UGT2A1: variants seen among roughly 807,000 people sequenced by gnomAD.
UGT2A1 encodes the protein UDP-glucuronosyltransferase 2A1.
In UGT2A1, 61 loss-of-function variants were observed where a neutral mutation model predicts 45.4. The ratio of observed to expected loss-of-function variants is 1.34; its 90% confidence interval spans 1.09 to 1.66. The LOEUF (loss-of-function observed/expected upper bound fraction) is 1.66. Among genes scored for constraint, UGT2A1 ranks in the 40% most tolerant of loss-of-function variants. The probability of loss-of-function intolerance (pLI) is 0.00; values close to 1 mark genes in which losing one functional copy is unlikely to be tolerated. For synonymous variants in UGT2A1, 229 were observed against 196.2 expected (o/e 1.17, Z -1.40); for missense variants, 649 against 574.3 (o/e 1.13, Z -1.33).
At chr4:69,637,401 A>G (rs1721771693) in intron 2 of UGT2A1, among the ~76,000 whole-genome samples, 1 of 152,180 alleles carries the variant, frequency 6.6e-6, no homozygotes, top group South Asian at 2.1e-4. Context: ...AAAAAGATAT[A>G]TTCAAATACC....
intron 2 of UGT2A1, among the ~76,000 whole-genome samples, chr4:69,646,353 AACACCATATC>A (rs1722258018): frequency 6.6e-6 from 1 of 151,834 alleles, no homozygotes; most frequent in African/African-American, 2.4e-5. Context: ...TCATCAGGTA[AACACCATATC>A]ACACTTAAGC....
Position 69,613,163 on chromosome 4 carries a change from C to T in UGT2A1, c.848-13769G>A, listed in dbSNP as rs541975743. Among the ~76,000 whole-genome samples the T allele has an allele frequency of 3.3e-5, 5 of 151,954 alleles. No homozygotes were observed. The East Asian group carries it at 9.7e-4, about 29-fold the overall frequency. Reference sequence around the variant, plus strand: ...CACTAATCATCAGAGAAATGTGAATCAAAATCATAATGATATATAAAACAG... The same window carrying T: ...CACTAATCATCAGAGAAATGTGAATTAAAATCATAATGATATATAAAACAG... On this transcript the variant is annotated intron_variant, in intron 3 of 6. Coordinates refer to ENST00000286604, the MANE Select transcript of UGT2A1 (RefSeq NM_001252275.3).
rs1370276605 is a variant in UGT2A1 at position 69,594,521 on chromosome 4, A to C, written c.1260T>G (p.Ser420Arg). 3.1e-6 allele frequency: 5 copies of C among 1,614,002 alleles called. No homozygotes were observed. In the Admixed American group the frequency reaches 8.3e-5, roughly 27 times the overall value. ...TTCTCAAAGCGCTAAGCAAATCCACACTTGTCATTGTGTTTAGGTTCACTT... is the reference window on the plus strand; with the variant it reads ...TTCTCAAAGCGCTAAGCAAATCCACCCTTGTCATTGTGTTTAGGTTCACTT... ...AVEVNLNTMT[S>R]VDLLSALRTV... is the part of the protein sequence containing the mutation. The change falls in exon 6 of 7, where the codon AGT becomes AGG. Residue 420 changes from serine to arginine, a missense_variant. Coordinates refer to ENST00000286604, the MANE Select transcript of UGT2A1 (RefSeq NM_001252275.3).
chr4:69,596,357 A>T (rs895046115), intron 4 of UGT2A1: 1 of 1,601,100 alleles, frequency 6.2e-7, no homozygotes, highest in Non-Finnish European at 8.5e-7. Context: ...TTTTTACCTG[A>T]GCTCTGGATA....
At position 69,647,207 on chromosome 4, in the gene UGT2A1, G is replaced by T; in HGVS notation, c.438C>A (p.Val146=). ...AAGGAAATACTGGATCAGACACCAG[G>T]ACTTCAAACTTGCTTTTCTTTAGCT... ...MAKLKKSKFE[V]LVSDPVFPCG... is the part of the protein sequence containing the mutation. Residue 146 remains valine (V), a synonymous_variant, in exon 2 of 7, where the codon GTC becomes GTA. Coordinates refer to ENST00000286604, the MANE Select transcript of UGT2A1 (RefSeq NM_001252275.3). The T allele has an allele frequency of 1.9e-6, 3 of 1,613,218 alleles. No homozygotes were observed. Among genetic ancestry groups the T allele is most frequent in the South Asian group, 1.1e-5 (1 of 91,024 alleles).
At chr4:69,602,983 C>T (rs1334222957) in intron 3 of UGT2A1, among the ~76,000 whole-genome samples, 1 of 135,284 alleles carries the variant, frequency 7.4e-6, no homozygotes, top group Admixed American at 7.3e-5. Context: ...CAGAGAATTG[C>T]TTGAACCCGG....
intron 6 of UGT2A1, among the ~76,000 whole-genome samples, chr4:69,590,767 A>G (rs998273711): frequency 6.6e-6 from 1 of 152,212 alleles, no homozygotes; most frequent in South Asian, 2.1e-4. Flanking sequence ...GAATCAAAAA[A>G]TAAGAAGAAG....
intron 3 of UGT2A1, among the ~76,000 whole-genome samples, chr4:69,629,774 C>T (rs2109953241): frequency 6.6e-6 from 1 of 152,162 alleles, no homozygotes; most frequent in South Asian, 2.1e-4. Flanking sequence ...TTATTTTAAT[C>T]TGTAATCTGT....
rs755988696 is a variant in UGT2A1 at position 69,647,490 on chromosome 4, A to T, written c.155T>A (p.Val52Asp). The T allele has an allele frequency of 1.9e-6, 3 of 1,613,102 alleles. No individual in the cohort carries two copies. The East Asian group carries it at 6.7e-5, about 36-fold the overall frequency. Residue 52 changes from valine to aspartate, a missense_variant, in exon 2 of 7, where the codon GTC (valine) becomes GAC (aspartate). Coordinates refer to ENST00000286604, the MANE Select transcript of UGT2A1 (RefSeq NM_001252275.3). ...ELIKKEHNVT[V>D]LVASGALFIT... ...GAAAAGTGCACCAGAGGCAACTAGG[A>T]CAGTCACATTATGCTCCTTTTTAAT...
At chr4:69,626,510 CTT>C (rs1168461277) in intron 3 of UGT2A1, among the ~76,000 whole-genome samples, 2 of 151,466 alleles carry the variant, frequency 1.3e-5, no homozygotes, top group African/African-American at 4.8e-5. Flanking sequence ...ACAAAACAGA[CTT>C]GAGGATATTT....
rs183507683 is a variant in UGT2A1 at position 69,652,522 on chromosome 4, C to T, written c.-55+666G>A. Reference sequence around the variant, plus strand: ...CTGACCAGAGGTGATCCACCCTCCTCGGCCTCCCAAAGTGCTGGGATTACA... The same window carrying T: ...CTGACCAGAGGTGATCCACCCTCCTTGGCCTCCCAAAGTGCTGGGATTACA... On this transcript the variant is annotated intron_variant, in intron 1 of 6. Coordinates refer to ENST00000286604, the MANE Select transcript of UGT2A1 (RefSeq NM_001252275.3). 6.3e-4 allele frequency among the ~76,000 whole-genome samples: 96 copies of T among 151,992 alleles called. 1 individual carries two copies. In the Middle Eastern group the frequency reaches 0.014, roughly 22 times the overall value.
At chr4:69,615,957 C>T (rs895261784) in intron 3 of UGT2A1, among the ~76,000 whole-genome samples, 3 of 151,922 alleles carry the variant, frequency 2.0e-5, no homozygotes, top group African/African-American at 7.3e-5. Flanking sequence ...ATCTGTACAC[C>T]CATGTTTATT....
At chr4:69,649,095 A>T (rs1722407266) in intron 1 of UGT2A1, among the ~76,000 whole-genome samples, 1 of 152,122 alleles carries the variant, frequency 6.6e-6, no homozygotes, top group Non-Finnish European at 1.5e-5. Context: ...GTGAATAAGC[A>T]GAGTGATCCT....
intron 3 of UGT2A1, among the ~76,000 whole-genome samples, chr4:69,601,916 C>A (rs1170388777): frequency 1.5e-5 from 2 of 136,324 alleles, no homozygotes; most frequent in Non-Finnish European, 1.6e-5. Flanking sequence ...AGGGCTGTAC[C>A]ACAACCATGC....
intron 3 of UGT2A1, among the ~76,000 whole-genome samples, chr4:69,620,190 A>T (rs1401238931): frequency 6.6e-6 from 1 of 152,016 alleles, no homozygotes; most frequent in Non-Finnish European, 1.5e-5. Flanking sequence ...AGAAAGTCAA[A>T]CTTTCCTGGT....
Position 69,618,203 on chromosome 4 carries a change from G to GTGTGTATGTT in UGT2A1, c.847+17487_847+17488insAACATACACA, listed in dbSNP as rs1290014754. Among the ~76,000 whole-genome samples the GTGTGTATGTT allele has an allele frequency of 7.8e-3, 715 of 92,234 alleles. 6 individuals carry two copies. The highest frequency in any genetic ancestry group is 0.024 in the Middle Eastern group (5 of 206). The allele number at this position is 92,234 out of a possible 152,430, so 60.5% of individuals were successfully genotyped here. The stretch of plus-strand genomic sequence containing the variant: ...CCAGTAAGCATGTGTGTGTGTGTGT[G>GTGTGTATGTT]TGTGTGTGTGTGTATGTTTGTGTGT... On this transcript the variant is annotated intron_variant, in intron 3 of 6. Transcript: ENST00000286604.
At chr4:69,617,185 T>C (rs1341803255) in intron 3 of UGT2A1, among the ~76,000 whole-genome samples, 3 of 151,944 alleles carry the variant, frequency 2.0e-5, no homozygotes, top group Non-Finnish European at 4.4e-5. Flanking sequence ...AAAATGTGCA[T>C]CCTTTGGCAG....
At chr4:69,625,603 G>T (rs1721010249) in intron 3 of UGT2A1, among the ~76,000 whole-genome samples, 1 of 150,586 alleles carries the variant, frequency 6.6e-6, no homozygotes, top group Admixed American at 6.6e-5. Flanking sequence ...GTTTAATGTG[G>T]GCTTGTTTAT....
intron 3 of UGT2A1, among the ~76,000 whole-genome samples, chr4:69,613,310 A>T (rs1720180296): frequency 6.6e-6 from 1 of 152,006 alleles, no homozygotes; most frequent in African/African-American, 2.4e-5. Flanking sequence ...TGAACGAGGC[A>T]TTATCAAATA....
Sources: gnomAD v4.1 joint callset for allele counts (sites outside exome capture counted in the v4.1 genomes callset) on GRCh38, gnomAD v4.1.1 for gene constraint, MANE v1.5 for transcripts, NCBI Gene and HGNC (gene_info 2026-07-23, HGNC 2026-07-21) for gene names.